THSD7B: variants seen among roughly 807,000 people sequenced by gnomAD.
THSD7B encodes the protein thrombospondin type 1 domain containing 7B.
In THSD7B, 138 loss-of-function variants were observed where a neutral mutation model predicts 213.6. The ratio of observed to expected loss-of-function variants is 0.65; its 90% CI spans 0.56 to 0.74. THSD7B has a LOEUF of 0.74. Among genes scored for constraint, THSD7B ranks in the 30% least tolerant of loss-of-function variants. The pLI, the probability that THSD7B is intolerant of heterozygous loss-of-function variation, is 0.00. For missense variants in THSD7B, 1,931 were observed against 1,991.5 expected (o/e 0.97, Z 0.58); for synonymous variants, 742 against 687.0 (o/e 1.08, Z -1.25).
At chr2:137,430,555 A>G (rs1259086222) in intron 14 of THSD7B, among the ~76,000 whole-genome samples, 1 of 152,208 alleles carries the variant, frequency 6.6e-6, no homozygotes, top group African/African-American at 2.4e-5. Context: ...CTCCTGCCTG[A>G]GGGTGGAAGA....
At chr2:137,366,502 C>A (rs2104943649) in intron 12 of THSD7B, among the ~76,000 whole-genome samples, 1 of 152,046 alleles carries the variant, frequency 6.6e-6, no homozygotes, top group Non-Finnish European at 1.5e-5. Context: ...AAGAGAATAT[C>A]TGTGGACAAA....
chr2:137,115,210 C>T lies in THSD7B; in HGVS notation c.1286C>T (p.Pro429Leu). ...GATCCCCACTGGCATGTGACGGGACCCGTGTGTGGCGGTGGGATCCAGACC... is the reference window on the plus strand; with the variant it reads ...GATCCCCACTGGCATGTGACGGGACTCGTGTGTGGCGGTGGGATCCAGACC... ...QQDPHWHVTG[P>L]VCGGGIQTRE... The change falls in exon 5 of 28, where the codon CCC becomes CTC. Residue 429 changes from proline to leucine, a missense_variant. Physicochemically the swap from Pro to Leu is moderately conservative, Grantham distance 98. Transcript: ENST00000409968. 1 of 1,613,824 alleles carries T rather than the reference C, an allele frequency of 6.2e-7. No homozygotes were observed. The highest frequency in any genetic ancestry group is 1.3e-5 in the African/African-American group (1 of 75,030).
chr2:137,605,723 C>T (rs1387839375), intron 17 of THSD7B, among the ~76,000 whole-genome samples: 2 of 124,518 alleles, frequency 1.6e-5, no homozygotes, highest in African/African-American at 3.0e-5. Flanking sequence ...GGCTGGAGTG[C>T]AGTGGTGCGA....
Position 137,160,579 on chromosome 2 carries a change from C to T in THSD7B, c.1525+211C>T, listed in dbSNP as rs114537965. Among the ~76,000 whole-genome samples the T allele has an allele frequency of 4.6e-3, 696 of 152,298 alleles. 7 individuals carry two copies. The highest frequency in any genetic ancestry group is 0.027 in the Middle Eastern group (8 of 294). On this transcript the variant is annotated intron_variant, in intron 6 of 27. Transcript: ENST00000409968. ...ACCTTGATTTACCTTCAGTTAGACT[C>T]ATAGCTGACTACTACTCTATTTGGT...
At chr2:137,388,196 A>C (rs935749059) in intron 12 of THSD7B, among the ~76,000 whole-genome samples, 1 of 151,700 alleles carries the variant, frequency 6.6e-6, no homozygotes, top group Non-Finnish European at 1.5e-5. Flanking sequence ...ATAATAGTAC[A>C]TACTTCCCAG....
At chr2:136,867,858 A>G (rs1683368787) in intron 1 of THSD7B, among the ~76,000 whole-genome samples, 1 of 152,158 alleles carries the variant, frequency 6.6e-6, no homozygotes, top group Non-Finnish European at 1.5e-5. Context: ...TGGCCACTTT[A>G]TTATTTAGAA....
At chr2:137,162,491 C>G (rs1680036673) in intron 6 of THSD7B, among the ~76,000 whole-genome samples, 1 of 151,916 alleles carries the variant, frequency 6.6e-6, no homozygotes, top group Non-Finnish European at 1.5e-5. Flanking sequence ...ACTTCAAAGA[C>G]AGAGAATGGG....
In THSD7B at chr2:137,390,855, C is replaced by A. The variant is rs144273458; in HGVS notation, c.2501-14758C>A. Among the ~76,000 whole-genome samples, 1,354 of 152,186 alleles carry A rather than the reference C, an allele frequency of 8.9e-3. 17 individuals are homozygous for A. The highest frequency in any genetic ancestry group is 0.031 in the African/African-American group (1,285 of 41,522). On this transcript the variant is annotated intron_variant, in intron 12 of 27. Coordinates refer to ENST00000409968, the MANE Select transcript of THSD7B (RefSeq NM_001316349.2). ...ATTTGTTGATTTGCATATGTTGAAC[C>A]ATTTTTGCATCCCTAGCAAGAAACC...
chr2:137,111,768 C>T (rs1386358317), intron 4 of THSD7B, among the ~76,000 whole-genome samples: 2 of 152,196 alleles, frequency 1.3e-5, no homozygotes, highest in Non-Finnish European at 2.9e-5. Context: ...TTCACACTCT[C>T]ACGTTGGTAA....
At chr2:136,962,162 C>A (rs1230762099) in intron 2 of THSD7B, among the ~76,000 whole-genome samples, 1 of 152,126 alleles carries the variant, frequency 6.6e-6, no homozygotes, top group Non-Finnish European at 1.5e-5. Flanking sequence ...GAGAAGGAGT[C>A]CTAAGCCAAG....
chr2:136,984,487 G>T (rs1298008068), intron 2 of THSD7B, among the ~76,000 whole-genome samples: 1 of 152,144 alleles, frequency 6.6e-6, no homozygotes, highest in African/African-American at 2.4e-5. Context: ...TCCTAGCTTT[G>T]CCCTTTGCTT....
chr2:136,800,964 CA>C (rs1682167723), intron 1 of THSD7B, among the ~76,000 whole-genome samples: 1 of 152,046 alleles, frequency 6.6e-6, no homozygotes, highest in Admixed American at 6.6e-5. Flanking sequence ...ACAACACACC[CA>C]GAGTCACCTT....
intron 2 of THSD7B, among the ~76,000 whole-genome samples, chr2:136,967,566 CG>C (rs1685341056): frequency 6.6e-6 from 1 of 152,028 alleles, no homozygotes; most frequent in African/African-American, 2.4e-5. Context: ...TTGCCTTATT[CG>C]TATTTCAAAA....
intron 12 of THSD7B, among the ~76,000 whole-genome samples, chr2:137,284,548 T>A (rs1440312214): frequency 2.0e-5 from 3 of 152,154 alleles, no homozygotes; most frequent in Non-Finnish European, 4.4e-5. Context: ...GTGCTATAAA[T>A]TTCCCTCTAC....
chr2:136,992,463 A>G (rs996439841), intron 2 of THSD7B, among the ~76,000 whole-genome samples: 32 of 152,358 alleles, frequency 2.1e-4, no homozygotes, highest in Non-Finnish European at 4.3e-4. Flanking sequence ...ACACTTGAGT[A>G]CAAGGAGTCT....
At chr2:136,983,455 G>A (rs1685622197) in intron 2 of THSD7B, among the ~76,000 whole-genome samples, 1 of 150,140 alleles carries the variant, frequency 6.7e-6, no homozygotes, top group South Asian at 2.1e-4. Context: ...GGTCTTCAAA[G>A]CATTATTTGG....
At chr2:137,274,165 A>C (rs186842573) in intron 11 of THSD7B, among the ~76,000 whole-genome samples, 5 of 152,116 alleles carry the variant, frequency 3.3e-5, no homozygotes, top group Non-Finnish European at 7.4e-5. Context: ...AGTTATCAGC[A>C]TGAATCTCTG....
chr2:137,084,751 G>A (rs1237642931), intron 3 of THSD7B, among the ~76,000 whole-genome samples: 2 of 152,110 alleles, frequency 1.3e-5, no homozygotes, highest in African/African-American at 2.4e-5. Flanking sequence ...ATTGTCCTCT[G>A]GAAGAGTTGA....
chr2:137,100,491 CACG>C (rs1688129304), intron 4 of THSD7B, among the ~76,000 whole-genome samples: 1 of 152,054 alleles, frequency 6.6e-6, no homozygotes, highest in Admixed American at 6.5e-5. Flanking sequence ...TGGCCCAGAA[CACG>C]ACAATCGTGT....
Sources: allele counts gnomAD v4.1 joint callset (sites outside exome capture counted in the v4.1 genomes callset), GRCh38; gene constraint gnomAD v4.1.1; transcripts MANE v1.5; gene names NCBI Gene and HGNC (gene_info 2026-07-23, HGNC 2026-07-21).